MEGF11: variants seen among roughly 807,000 people sequenced by gnomAD.
MEGF11 encodes the protein multiple epidermal growth factor-like domains protein 11.
A neutral mutation model predicts 146.6 loss-of-function variants in MEGF11; 126 were observed. The observed-to-expected ratio is 0.86, with a 90% CI of 0.74 to 1.00. The LOEUF (loss-of-function observed/expected upper bound fraction) is 1.00, where lower values mean the gene tolerates loss of function less well. Among genes scored for constraint, MEGF11 ranks in the 50% least tolerant of loss-of-function variants. The pLI is 0.00. For synonymous variants in MEGF11, 532 were observed against 583.4 expected (o/e 0.91, Z 1.27); for missense variants, 1,509 against 1,521.2 (o/e 0.99, Z 0.13).
intron 4 of MEGF11, among the ~76,000 whole-genome samples, chr15:66,115,888 G>A (rs867861227): frequency 6.6e-6 from 1 of 152,176 alleles, no homozygotes; most frequent in East Asian, 1.9e-4. Context: ...GCCCAGCCCC[G>A]GAAGGAAGCA....
At chr15:66,060,410 C>G (rs1273954789) in intron 5 of MEGF11, among the ~76,000 whole-genome samples, 1 of 152,228 alleles carries the variant, frequency 6.6e-6, no homozygotes, top group Non-Finnish European at 1.5e-5. Context: ...TAGCTCAGTA[C>G]CCAGCTACTG....
intron 15 of MEGF11, among the ~76,000 whole-genome samples, chr15:65,919,797 T>C (rs554178039): frequency 3.9e-5 from 6 of 152,330 alleles, no homozygotes; most frequent in Non-Finnish European, 7.3e-5. Flanking sequence ...TTTTTGTATT[T>C]TTAGTAGAAA....
intron 10 of MEGF11, among the ~76,000 whole-genome samples, chr15:65,956,733 T>G (rs2080653239): frequency 1.3e-5 from 2 of 152,210 alleles, no homozygotes; most frequent in Admixed American, 1.3e-4. Flanking sequence ...ACCAGCATAA[T>G]TCATGAGAAA....
chr15:66,023,150 A>AC (rs1567206483), intron 5 of MEGF11, among the ~76,000 whole-genome samples: 4 of 151,412 alleles, frequency 2.6e-5, no homozygotes, highest in Non-Finnish European at 5.9e-5. Flanking sequence ...CAAAAAAAAA[A>AC]AAAAACAAAC....
At chr15:65,970,753 G>A in intron 7 of MEGF11, 64 bp from the exon 8 acceptor site, 1 of 1,535,122 alleles carries the variant, frequency 6.5e-7, no homozygotes, top group Admixed American at 2.0e-5. Flanking sequence ...TCCTGGGAAT[G>A]GCACACCTGC....
At chr15:66,171,783 C>T (rs1297334811) in intron 1 of MEGF11, among the ~76,000 whole-genome samples, 5 of 151,618 alleles carry the variant, frequency 3.3e-5, no homozygotes, top group Non-Finnish European at 2.9e-5. Flanking sequence ...CCACCCCCAG[C>T]GCTCACCCTC....
chr15:65,951,711 CAAAA>C (rs199824610), intron 10 of MEGF11, among the ~76,000 whole-genome samples: 15,462 of 148,696 alleles, frequency 0.1, 920 homozygotes, highest in Middle Eastern at 0.18. Context: ...AACAAACAAA[CAAAA>C]AAACCCCAAC....
intron 5 of MEGF11, among the ~76,000 whole-genome samples, chr15:66,031,003 G>A (rs879142594): frequency 6.6e-6 from 1 of 152,260 alleles, no homozygotes; most frequent in Admixed American, 6.5e-5. Context: ...TGCCCATTCT[G>A]TACCCAAACC....
intron 10 of MEGF11, among the ~76,000 whole-genome samples, chr15:65,945,835 A>AG (rs1342095316): frequency 6.6e-6 from 1 of 152,156 alleles, no homozygotes; most frequent in Non-Finnish European, 1.5e-5. Context: ...GGGGGCAGTG[A>AG]GGATCACTCT....
At chr15:66,028,333 C>T (rs1006451537) in intron 5 of MEGF11, among the ~76,000 whole-genome samples, 3 of 152,170 alleles carry the variant, frequency 2.0e-5, no homozygotes, top group African/African-American at 4.8e-5. Context: ...ATTAACACAA[C>T]AGGGAGGTCC....
At chr15:66,117,691 C>T (rs1380693603) in intron 4 of MEGF11, among the ~76,000 whole-genome samples, 1 of 152,116 alleles carries the variant, frequency 6.6e-6, no homozygotes, top group East Asian at 1.9e-4. Context: ...TCGCACTACT[C>T]CATACAGACA....
At chr15:66,169,322 C>T (rs546062881) in intron 1 of MEGF11, among the ~76,000 whole-genome samples, 4 of 152,212 alleles carry the variant, frequency 2.6e-5, no homozygotes, top group South Asian at 2.1e-4. Context: ...CCCCAGCCTC[C>T]GACCCTCCAC....
At chr15:66,057,994 T>C (rs1385272631) in intron 5 of MEGF11, among the ~76,000 whole-genome samples, 2 of 152,222 alleles carry the variant, frequency 1.3e-5, no homozygotes, top group African/African-American at 4.8e-5. Context: ...AAAAAGAATT[T>C]AGAAATGACA....
At chr15:65,984,550 A>AAG (rs1555458727) in intron 5 of MEGF11, among the ~76,000 whole-genome samples, 6 of 148,826 alleles carry the variant, frequency 4.0e-5, no homozygotes, top group South Asian at 2.1e-4. Context: ...AAAAAAAAAA[A>AAG]GGCTCACAGG....
chr15:66,004,999 A>C (rs2082478066), intron 5 of MEGF11, among the ~76,000 whole-genome samples: 1 of 152,190 alleles, frequency 6.6e-6, no homozygotes, highest in Admixed American at 6.5e-5. Context: ...AAGCAGGTGG[A>C]TCGCTTGAGC....
chr15:66,074,589 T>A (rs1263699074), intron 5 of MEGF11, among the ~76,000 whole-genome samples: 1 of 152,230 alleles, frequency 6.6e-6, no homozygotes, highest in Non-Finnish European at 1.5e-5. Context: ...TAGAAGAGAT[T>A]TTAAAATATC....
intron 1 of MEGF11, among the ~76,000 whole-genome samples, chr15:66,237,908 A>G (rs973390691): frequency 3.0e-4 from 46 of 152,318 alleles, no homozygotes; most frequent in African/African-American, 1.1e-3. Flanking sequence ...AATATCATTA[A>G]TTATGTATTA....
intron 1 of MEGF11, among the ~76,000 whole-genome samples, chr15:66,228,939 CACA>C (rs1249124357): frequency 6.6e-6 from 1 of 152,136 alleles, no homozygotes; most frequent in East Asian, 1.9e-4. Flanking sequence ...GTCCTCTCTA[CACA>C]GCGCCCTCTC....
chr15:65,980,745 A>G (rs2081607462), intron 7 of MEGF11, 33 bp downstream of exon 7: 1 of 1,557,596 alleles, frequency 6.4e-7, no homozygotes, highest in Non-Finnish European at 8.7e-7. Flanking sequence ...TCAGCCCTCC[A>G]GTGCCCCACC....
Sources: allele counts gnomAD v4.1 joint callset (sites outside exome capture counted in the v4.1 genomes callset), GRCh38; gene constraint gnomAD v4.1.1; transcripts MANE v1.5; gene names NCBI Gene and HGNC (gene_info 2026-07-23, HGNC 2026-07-21).